CLVS2: variants seen among roughly 807,000 people sequenced by gnomAD.
CLVS2 encodes the protein clavesin-2.
CLVS2 carries 19 observed loss-of-function variants against 29.0 expected under a neutral mutation model. The ratio of observed to expected loss-of-function variants is 0.66; its 90% CI spans 0.46 to 0.96. The LOEUF (loss-of-function observed/expected upper bound fraction) is 0.96, where lower values mean the gene tolerates loss of function less well. Ranked by LOEUF, CLVS2 falls within the 40% of genes least tolerant of loss-of-function variation. The probability of loss-of-function intolerance (pLI) is 0.00; values close to 1 mark genes in which losing one functional copy is unlikely to be tolerated. For missense variants in CLVS2, 294 were observed against 404.1 expected, an observed-to-expected ratio of 0.73 and a Z score of 2.34; for synonymous variants, 161 against 151.3, an observed-to-expected ratio of 1.06 and a Z score of -0.47.
chr6:123,035,818 A>G (rs965572465), intron 3 of CLVS2, among the ~76,000 whole-genome samples: 5 of 152,184 alleles, frequency 3.3e-5, no homozygotes, highest in Admixed American at 1.3e-4. Context: ...TAACCACACA[A>G]ACACACCCCC....
intron 2 of CLVS2, among the ~76,000 whole-genome samples, chr6:122,998,870 G>A (rs1774549967): frequency 1.3e-5 from 2 of 149,518 alleles, no homozygotes; most frequent in Admixed American, 1.3e-4. Flanking sequence ...TCTTTTGGAA[G>A]GAAGTGGAAA....
chr6:123,032,075 G>A (rs1775091138), intron 3 of CLVS2, among the ~76,000 whole-genome samples: 1 of 151,802 alleles, frequency 6.6e-6, no homozygotes, highest in Non-Finnish European at 1.5e-5. Flanking sequence ...ATTGATTCCT[G>A]GTCTTGTTGC....
intron 2 of CLVS2, among the ~76,000 whole-genome samples, chr6:123,008,684 A>C (rs1003609615): frequency 1.5e-4 from 11 of 74,252 alleles, no homozygotes; most frequent in Non-Finnish European, 2.2e-4. Flanking sequence ...AGAAATTAAA[A>C]CTTTTTTTTT....
At chr6:123,001,087 A>G (rs530230470) in intron 2 of CLVS2, among the ~76,000 whole-genome samples, 72 of 152,350 alleles carry the variant, frequency 4.7e-4, no homozygotes, top group Non-Finnish European at 8.4e-4. Flanking sequence ...CTCAATAAAT[A>G]TTTGAGTTGA....
intron 5 of CLVS2, among the ~76,000 whole-genome samples, chr6:123,059,589 C>G (rs2114367673): frequency 6.6e-6 from 1 of 152,258 alleles, no homozygotes; most frequent in South Asian, 2.1e-4. Flanking sequence ...TTGCAGAGTT[C>G]TGGCTTTGCA....
chr6:123,020,668 G>T (rs1349493164), intron 3 of CLVS2, among the ~76,000 whole-genome samples: 1 of 152,014 alleles, frequency 6.6e-6, no homozygotes, highest in Non-Finnish European at 1.5e-5. Context: ...TTTACAAACT[G>T]GTTGGAGGTT....
At chr6:123,052,711 G>A (rs952611436) in intron 4 of CLVS2, among the ~76,000 whole-genome samples, 2 of 152,200 alleles carry the variant, frequency 1.3e-5, no homozygotes, top group Non-Finnish European at 2.9e-5. Flanking sequence ...TGAGTTGAAA[G>A]TTTTGGTCTG....
intron 4 of CLVS2, among the ~76,000 whole-genome samples, chr6:123,052,620 A>G (rs1772628852): frequency 6.6e-6 from 1 of 152,146 alleles, no homozygotes; most frequent in Admixed American, 6.5e-5. Context: ...AGCTAATCAG[A>G]ATGATTGGAT....
intron 3 of CLVS2, among the ~76,000 whole-genome samples, chr6:123,020,306 A>G (rs1053367253): frequency 4.6e-5 from 7 of 152,084 alleles, no homozygotes; most frequent in African/African-American, 1.7e-4. Flanking sequence ...ATGTTTCAAC[A>G]ATCATTTCCT....
chr6:123,032,306 A>AC (rs1300244576), intron 3 of CLVS2, among the ~76,000 whole-genome samples: 2 of 152,018 alleles, frequency 1.3e-5, no homozygotes, highest in East Asian at 3.9e-4. Context: ...TCTTTTAAAA[A>AC]ATGTTTTTCC....
At chr6:123,009,361 G>A (rs553878803) in intron 2 of CLVS2, among the ~76,000 whole-genome samples, 1 of 152,058 alleles carries the variant, frequency 6.6e-6, no homozygotes, top group African/African-American at 2.4e-5. Context: ...ATTAATGCTA[G>A]GATTCTAAAC....
At chr6:123,062,433 T>C (rs958738853) in intron 5 of CLVS2, among the ~76,000 whole-genome samples, 2 of 152,174 alleles carry the variant, frequency 1.3e-5, no homozygotes, top group African/African-American at 4.8e-5. Flanking sequence ...TATTATCTTA[T>C]ATCCTCATCT....
intron 3 of CLVS2, among the ~76,000 whole-genome samples, chr6:123,013,357 C>T (rs1215067585): frequency 2.0e-5 from 3 of 151,970 alleles, no homozygotes; most frequent in Non-Finnish European, 4.4e-5. Context: ...CAGTAATAAA[C>T]CTCTTCCAGT....
At chr6:123,003,400 C>T (rs1774618066) in intron 2 of CLVS2, among the ~76,000 whole-genome samples, 1 of 152,180 alleles carries the variant, frequency 6.6e-6, no homozygotes, top group Non-Finnish European at 1.5e-5. Context: ...TACATCTCCT[C>T]CTTTCTGTGG....
chr6:123,046,135 A>G (rs1250609856), intron 3 of CLVS2, among the ~76,000 whole-genome samples: 1 of 152,134 alleles, frequency 6.6e-6, no homozygotes, highest in Non-Finnish European at 1.5e-5. Flanking sequence ...CTGACAGGTG[A>G]CACTAAGCCA....
At chr6:123,021,969 G>T (rs1012345219) in intron 3 of CLVS2, among the ~76,000 whole-genome samples, 2 of 151,884 alleles carry the variant, frequency 1.3e-5, no homozygotes, top group African/African-American at 4.8e-5. Context: ...TTTAGTCTTT[G>T]TGTGCCCATA....
intron 3 of CLVS2, among the ~76,000 whole-genome samples, chr6:123,046,850 G>A (rs527608999): frequency 1.3e-5 from 2 of 152,172 alleles, no homozygotes; most frequent in African/African-American, 4.8e-5. Context: ...GTGCGTTGCT[G>A]AACTCTCAAG....
intron 5 of CLVS2, among the ~76,000 whole-genome samples, chr6:123,058,750 C>T (rs1361386111): frequency 1.3e-5 from 2 of 152,110 alleles, no homozygotes; most frequent in Admixed American, 1.3e-4. Context: ...TCCCTGGACT[C>T]AAGCAATGCT....
chr6:123,003,383 A>G (rs1774617728), intron 2 of CLVS2, among the ~76,000 whole-genome samples: 1 of 152,238 alleles, frequency 6.6e-6, no homozygotes, highest in African/African-American at 2.4e-5. Flanking sequence ...TATCCTTAGT[A>G]AATTAATACA....
Sources: gnomAD v4.1 joint callset for allele counts (sites outside exome capture counted in the v4.1 genomes callset) on GRCh38, gnomAD v4.1.1 for gene constraint, MANE v1.5 for transcripts, NCBI Gene and HGNC (gene_info 2026-07-23, HGNC 2026-07-21) for gene names.